STXBP4: variants seen among roughly 807,000 people sequenced by gnomAD.
The protein encoded by STXBP4 is syntaxin binding protein 4.
Under a neutral mutation model 76.1 loss-of-function variants are expected in STXBP4, and 55 were observed. The ratio of observed to expected loss-of-function variants is 0.72; its 90% CI spans 0.58 to 0.91. The LOEUF is 0.91. STXBP4 is among the 40% of genes least tolerant of loss of function. The pLI, the probability that STXBP4 is intolerant of heterozygous loss-of-function variation, is 0.00. For missense variants in STXBP4, 618 were observed against 636.9 expected (o/e 0.97, Z 0.32); for synonymous variants, 201 against 220.2 (o/e 0.91, Z 0.77).
intron 16 of STXBP4, among the ~76,000 whole-genome samples, chr17:55,130,623 A>T (rs1048331925): frequency 2.0e-5 from 3 of 152,182 alleles, no homozygotes; most frequent in Non-Finnish European, 4.4e-5. Context: ...ACCAGAATTT[A>T]TCCCTCCTAT....
chr17:55,072,962 TGCTCAGAGACAG>T lies in STXBP4; in HGVS notation c.1077_1088del (p.Gln360_Ala363del), dbSNP rs1276491595. On this transcript the variant is annotated inframe_deletion, in exon 13 of 18. Coordinates refer to ENST00000376352, the MANE Select transcript of STXBP4 (RefSeq NM_178509.6). ...GTAGTCGGATTCATCTTGCTGAAGC[TGCTCAGAGACAG>T]GCACATGGAATGGAAATGGACTATG... 6.2e-7 allele frequency: 1 copy of T among 1,613,940 alleles called. No individual in the cohort carries two copies. The highest frequency in any genetic ancestry group is 8.5e-7 in the Non-Finnish European group (1 of 1,179,888).
At chr17:55,193,402 C>T in the STXBP4 span, among the ~76,000 whole-genome samples, 1 of 152,072 alleles carries the variant, frequency 6.6e-6, no homozygotes, top group Non-Finnish European at 1.5e-5. Context: ...GATTCTTGAG[C>T]ACAGTTTGAG....
intron 14 of STXBP4, 90 bp downstream of exon 14, chr17:55,078,284 A>C: frequency 1.2e-6 from 1 of 830,912 alleles, no homozygotes; most frequent in East Asian, 2.5e-5. Flanking sequence ...GTACCTAGTG[A>C]AACATTCTCT....
intron 16 of STXBP4, among the ~76,000 whole-genome samples, chr17:55,112,069 C>T (rs1309385155): frequency 6.9e-6 from 1 of 145,544 alleles, no homozygotes; most frequent in Non-Finnish European, 1.5e-5. Context: ...GTGCACAACA[C>T]CACACCCAGC....
intron 17 of STXBP4, among the ~76,000 whole-genome samples, chr17:55,147,138 A>G (rs2080165867): frequency 6.6e-6 from 1 of 152,220 alleles, no homozygotes; most frequent in South Asian, 2.1e-4. Flanking sequence ...TCTGTCCATT[A>G]CTTGCTTTGA....
At chr17:55,002,876 A>C (rs893521604) in intron 7 of STXBP4, among the ~76,000 whole-genome samples, 3 of 152,172 alleles carry the variant, frequency 2.0e-5, no homozygotes, top group African/African-American at 7.2e-5. Flanking sequence ...TGCTTACTAA[A>C]TTTTCCTGTT....
At chr17:55,045,252 G>A (rs759471738) in intron 11 of STXBP4, among the ~76,000 whole-genome samples, 3 of 151,854 alleles carry the variant, frequency 2.0e-5, no homozygotes, top group Admixed American at 6.6e-5. Flanking sequence ...CTTTGAAACC[G>A]CTATCTTTCC....
intron 11 of STXBP4, among the ~76,000 whole-genome samples, chr17:55,046,178 A>G (rs183332333): frequency 2.5e-4 from 38 of 152,174 alleles, no homozygotes; most frequent in Non-Finnish European, 8.8e-5. Flanking sequence ...TTACAGATAC[A>G]AAAAAACTAG....
At chr17:55,137,227 G>T (rs1472797440) in intron 16 of STXBP4, among the ~76,000 whole-genome samples, 1 of 151,286 alleles carries the variant, frequency 6.6e-6, no homozygotes, top group African/African-American at 2.4e-5. Flanking sequence ...CTTTAACAAA[G>T]CCTTATTAAT....
chr17:55,087,217 A>G (rs550211710), intron 16 of STXBP4, among the ~76,000 whole-genome samples: 2 of 152,246 alleles, frequency 1.3e-5, no homozygotes, highest in African/African-American at 2.4e-5. Flanking sequence ...CTCCAATTCT[A>G]TAGGTTGTCT....
chr17:55,012,046 C>G (rs2078125393), intron 8 of STXBP4, among the ~76,000 whole-genome samples: 2 of 151,884 alleles, frequency 1.3e-5, no homozygotes. Context: ...TGGACTGCAT[C>G]AGGTGCTCCA....
intron 16 of STXBP4, among the ~76,000 whole-genome samples, chr17:55,139,644 G>C (rs1042932794): frequency 6.6e-6 from 1 of 152,090 alleles, no homozygotes; most frequent in African/African-American, 2.4e-5. Context: ...GGCGCATCTG[G>C]CTGAGCATGT....
intron 12 of STXBP4, among the ~76,000 whole-genome samples, chr17:55,049,459 CAG>C (rs765748724): frequency 6.6e-5 from 10 of 151,784 alleles, no homozygotes; most frequent in African/African-American, 1.2e-4. Context: ...AAGAGGAAAA[CAG>C]AATACATCAT....
At chr17:55,091,152 C>T (rs1335012612) in intron 16 of STXBP4, among the ~76,000 whole-genome samples, 2 of 152,108 alleles carry the variant, frequency 1.3e-5, no homozygotes, top group African/African-American at 4.8e-5. Flanking sequence ...AGTTTATGAG[C>T]CATCTGGGCC....
chr17:55,108,205 C>G (rs1175290283), intron 16 of STXBP4, among the ~76,000 whole-genome samples: 3 of 152,208 alleles, frequency 2.0e-5, no homozygotes, highest in Non-Finnish European at 4.4e-5. Context: ...TTTGTTTACA[C>G]TCTGAGGGGA....
chr17:55,108,514 T>C (rs979922701), intron 16 of STXBP4, among the ~76,000 whole-genome samples: 17 of 152,210 alleles, frequency 1.1e-4, no homozygotes, highest in African/African-American at 3.9e-4. Context: ...AGTTTTGTGC[T>C]TGAAACCCTG....
intron 4 of STXBP4, among the ~76,000 whole-genome samples, chr17:54,993,462 CAG>C (rs1433261349): frequency 6.8e-6 from 1 of 147,346 alleles, no homozygotes; most frequent in Non-Finnish European, 1.5e-5. Flanking sequence ...GCCTGGGCAA[CAG>C]AGCATTTCTA....
intron 8 of STXBP4, among the ~76,000 whole-genome samples, chr17:55,027,129 G>A (rs1272062924): frequency 6.6e-6 from 1 of 152,162 alleles, no homozygotes; most frequent in Non-Finnish European, 1.5e-5. Flanking sequence ...TGCAGCAGAG[G>A]CACCTATGCT....
the STXBP4 span, among the ~76,000 whole-genome samples, chr17:55,188,863 G>A: frequency 4.6e-5 from 7 of 152,044 alleles, no homozygotes; most frequent in African/African-American, 1.7e-4. Context: ...TAAGAGCTTG[G>A]GCAGAACTTG....
Sources: allele counts gnomAD v4.1 joint callset (sites outside exome capture counted in the v4.1 genomes callset), GRCh38; gene constraint gnomAD v4.1.1; transcripts MANE v1.5; gene names NCBI Gene and HGNC (gene_info 2026-07-23, HGNC 2026-07-21).